SLC4A5: variants seen among roughly 807,000 people sequenced by gnomAD.
The protein encoded by SLC4A5 is solute carrier family 4 member 5, also known as electrogenic sodium bicarbonate cotransporter 4.
A neutral mutation model predicts 120.4 loss-of-function variants in SLC4A5; 96 were observed. The observed-to-expected ratio is 0.80, with a 90% CI of 0.68 to 0.94. The LOEUF is 0.94. Among genes scored for constraint, SLC4A5 ranks in the 40% least tolerant of loss-of-function variants. SLC4A5 has a pLI of 0.00. For missense variants in SLC4A5, 1,259 were observed against 1,459.5 expected (o/e 0.86, Z 2.24); for synonymous variants, 550 against 571.1 (o/e 0.96, Z 0.53).
intron 21 of SLC4A5, 113 bp downstream of exon 21, chr2:74,239,222 C>T: frequency 1.0e-6 from 1 of 959,394 alleles, no homozygotes; most frequent in Non-Finnish European, 1.6e-6. Flanking sequence ...TTGAAAAACC[C>T]CAGTGGGCCA....
chr2:74,288,065 G>A (rs1215862137), intron 7 of SLC4A5, among the ~76,000 whole-genome samples: 1 of 152,150 alleles, frequency 6.6e-6, no homozygotes, highest in East Asian at 1.9e-4. Flanking sequence ...CAAACTGACA[G>A]TTCAAAGGTG....
chr2:74,226,033 T>G (rs915283915), intron 27 of SLC4A5, among the ~76,000 whole-genome samples: 14 of 152,184 alleles, frequency 9.2e-5, no homozygotes, highest in African/African-American at 3.4e-4. Flanking sequence ...CTGAGGGCAC[T>G]GGGGGGAGGA....
At chr2:74,239,488 C>T in exon 21 of SLC4A5, 1 of 1,614,088 alleles carries the variant, frequency 6.2e-7, no homozygotes, top group Non-Finnish European at 8.5e-7. Context: ...GACACTCCTT[C>T]TTGCTCAGCA....
At chr2:74,279,979 C>G (rs1033461673) in intron 8 of SLC4A5, among the ~76,000 whole-genome samples, 1 of 152,172 alleles carries the variant, frequency 6.6e-6, no homozygotes, top group African/African-American at 2.4e-5. Flanking sequence ...GTCTTGCCCC[C>G]TTTTATCCAT....
chr2:74,234,894 A>G (rs1018496618), intron 22 of SLC4A5, among the ~76,000 whole-genome samples: 6 of 152,224 alleles, frequency 3.9e-5, no homozygotes, highest in Admixed American at 3.3e-4. Flanking sequence ...ACTATAGATC[A>G]GGATTTCCTG....
chr2:74,264,278 A>G (rs1365667745), exon 10 of SLC4A5: 4 of 1,614,090 alleles, frequency 2.5e-6, no homozygotes, highest in Non-Finnish European at 3.4e-6. Flanking sequence ...ACCATCCTCA[A>G]TCTGCTTCTC....
chr2:74,317,906 A>G lies in SLC4A5; in HGVS notation c.-2-2881T>C, dbSNP rs560823402. 9.8e-5 allele frequency among the ~76,000 whole-genome samples: 15 copies of G among 152,386 alleles called. No individual in the cohort carries two copies. In the East Asian group the frequency reaches 2.9e-3, roughly 29 times the overall value. On this transcript the variant is annotated intron_variant, in intron 5 of 30. Transcript: ENST00000394019. ...GCAGCTGTTTGGCAGCTCCACTTCA[A>G]AACATGAACAGCCAGCCAAGAATCA... is the stretch of plus-strand genomic sequence containing the variant.
chr2:74,250,355 G>A (rs371229218), exon 17 of SLC4A5: 23 of 1,613,864 alleles, frequency 1.4e-5, no homozygotes, highest in South Asian at 1.2e-4. Flanking sequence ...GATAATTGTC[G>A]GTGGCATCCC....
chr2:74,286,649 G>C (rs1195311846), intron 7 of SLC4A5, among the ~76,000 whole-genome samples: 1 of 152,178 alleles, frequency 6.6e-6, no homozygotes, highest in Non-Finnish European at 1.5e-5. Context: ...TAGTGATAGA[G>C]ACAGAGAATA....
chr2:74,341,632 A>G (rs751860753), intron 2 of SLC4A5, among the ~76,000 whole-genome samples: 37 of 152,170 alleles, frequency 2.4e-4, no homozygotes, highest in Non-Finnish European at 3.5e-4. Context: ...CCATGCCATT[A>G]CTGTGCTCAC....
intron 6 of SLC4A5, among the ~76,000 whole-genome samples, chr2:74,312,239 GTA>G (rs149183086): frequency 0.03 from 4,408 of 147,988 alleles, 92 homozygotes; most frequent in Non-Finnish European, 0.04. Context: ...ATGTGTGTGT[GTA>G]TATGTGTGTG....
At position 74,227,799 on chromosome 2, in the gene SLC4A5, G is replaced by A; in HGVS notation, c.2916+11C>T. The A allele has an allele frequency of 1.2e-6, 2 of 1,602,286 alleles. No individual in the cohort carries two copies. The highest frequency in any genetic ancestry group is 8.5e-7 in the Non-Finnish European group (1 of 1,174,758). ...TCCAGATCATGAAGGGATCTGGAGGGAAAGCCTTACCTGGATGCCATTCAG... is the reference window on the plus strand; with the variant it reads ...TCCAGATCATGAAGGGATCTGGAGGAAAAGCCTTACCTGGATGCCATTCAG... On this transcript the variant is annotated intron_variant, in intron 26 of 30. Transcript: ENST00000394019.
intron 19 of SLC4A5, among the ~76,000 whole-genome samples, chr2:74,243,915 A>G (rs1314217997): frequency 6.6e-6 from 1 of 152,244 alleles, no homozygotes; most frequent in Admixed American, 6.5e-5. Context: ...CATAAATAGA[A>G]TACAAATCAG....
chr2:74,283,698 G>A (rs1010035935), intron 8 of SLC4A5, among the ~76,000 whole-genome samples: 3 of 152,162 alleles, frequency 2.0e-5, no homozygotes, highest in Non-Finnish European at 2.9e-5. Context: ...ACCTGGGCAC[G>A]GTTGAGTCTA....
chr2:74,242,141 C>T, intron 19 of SLC4A5, 89 bp from the exon 20 acceptor site: 2 of 1,256,508 alleles, frequency 1.6e-6, no homozygotes, highest in Non-Finnish European at 2.2e-6. Flanking sequence ...CTTCCAGTTC[C>T]TTAGAGCCAA....
intron 30 of SLC4A5, 82 bp from the exon 31 acceptor site, chr2:74,218,874 A>G (rs1365597559): frequency 6.6e-6 from 1 of 152,626 alleles, no homozygotes; most frequent in Non-Finnish European, 1.5e-5. Flanking sequence ...TAATGCAAAT[A>G]CTTCCATCTT....
At chr2:74,307,778 G>A in intron 6 of SLC4A5, 6 of 573,470 alleles carry the variant, frequency 1.0e-5, no homozygotes, top group Non-Finnish European at 1.9e-5. Flanking sequence ...TTCTCGTTCT[G>A]GATGCCTCTC....
At chr2:74,267,180 AAC>A (rs1179516357) in intron 8 of SLC4A5, among the ~76,000 whole-genome samples, 2 of 152,226 alleles carry the variant, frequency 1.3e-5, no homozygotes, top group Non-Finnish European at 2.9e-5. Flanking sequence ...TGTCAGTGAA[AAC>A]ATGGGGAGGT....
intron 6 of SLC4A5, among the ~76,000 whole-genome samples, chr2:74,308,442 ATTGTT>A (rs1025380978): frequency 6.6e-6 from 1 of 152,160 alleles, no homozygotes; most frequent in African/African-American, 2.4e-5. Flanking sequence ...AGTGGATCTT[ATTGTT>A]TTAATTTTAA....
Sources: allele counts gnomAD v4.1 joint callset (sites outside exome capture counted in the v4.1 genomes callset), GRCh38; gene constraint gnomAD v4.1.1; transcripts MANE v1.5; gene names NCBI Gene and HGNC (gene_info 2026-07-23, HGNC 2026-07-21).